CAST: variants seen among roughly 807,000 people sequenced by gnomAD.
The protein encoded by CAST is calpastatin, also known as MIR583 host.
CAST carries 76 observed loss-of-function variants against 119.6 expected under a neutral mutation model. The observed-to-expected ratio is 0.64, with a 90% CI of 0.53 to 0.77. CAST has a LOEUF of 0.77. Ranked by LOEUF, CAST falls within the 30% of genes least tolerant of loss-of-function variation. The pLI is 0.00. For missense variants in CAST, 953 were observed against 946.5 expected (o/e 1.01, Z -0.09); for synonymous variants, 319 against 331.6 (o/e 0.96, Z 0.41).
chr5:96,163,707 C>T, the CAST span, among the ~76,000 whole-genome samples: 480 of 152,280 alleles, frequency 3.2e-3, 1 homozygote, highest in Non-Finnish European at 3.8e-3. Context: ...TTTGGGGTCA[C>T]AGTATTCATG....
chr5:96,760,720 TG>T (rs1767635102), intron 24 of CAST: 1 of 151,852 alleles, frequency 6.6e-6, no homozygotes, highest in African/African-American at 2.4e-5. Flanking sequence ...AAAGGAGAAA[TG>T]ATCAGAAAAA....
chr5:96,034,647 G>A, the CAST span, among the ~76,000 whole-genome samples: 1 of 150,696 alleles, frequency 6.6e-6, no homozygotes, highest in African/African-American at 2.4e-5. Context: ...CACTCTCTTA[G>A]CATTTTTCAA....
chr5:96,037,214 G>T, the CAST span, among the ~76,000 whole-genome samples: 1 of 152,098 alleles, frequency 6.6e-6, no homozygotes, highest in African/African-American at 2.4e-5. Context: ...CCATGTAAAG[G>T]TGCCAATAGA....
the CAST span, among the ~76,000 whole-genome samples, chr5:96,022,652 A>G: frequency 6.6e-6 from 1 of 152,318 alleles, no homozygotes; most frequent in Non-Finnish European, 1.5e-5. Flanking sequence ...GCTCTGTGTC[A>G]GTCAGGGTTC....
chr5:96,551,448 C>T (rs943291849), intron 1 of CAST, among the ~76,000 whole-genome samples: 1 of 152,116 alleles, frequency 6.6e-6, no homozygotes, highest in Non-Finnish European at 1.5e-5. Flanking sequence ...CAACTGGTAC[C>T]AGCCACTGCA....
chr5:96,638,544 C>A (rs1378686596), intron 1 of CAST, among the ~76,000 whole-genome samples: 1 of 152,250 alleles, frequency 6.6e-6, no homozygotes, highest in East Asian at 1.9e-4. Context: ...CTCCCCCAAA[C>A]ACCTTGGTGT....
intron 16 of CAST, chr5:96,743,668 G>T: frequency 6.2e-7 from 1 of 1,613,220 alleles, no homozygotes; most frequent in South Asian, 1.1e-5. Flanking sequence ...AGGGCTCACC[G>T]GCCACAGTGT....
chr5:96,729,803 G>C, intron 8 of CAST, 78 bp downstream of exon 8: 1 of 734,022 alleles, frequency 1.4e-6, no homozygotes, highest in Non-Finnish European at 2.5e-6. Context: ...ACACTGAGGT[G>C]TGTAGTTCAA....
chr5:96,342,997 G>A, the CAST span, among the ~76,000 whole-genome samples: 1 of 152,096 alleles, frequency 6.6e-6, no homozygotes, highest in Admixed American at 6.5e-5. Flanking sequence ...TGGGAATAGG[G>A]CAATGAAGCT....
At chr5:96,728,249 G>A (rs1337255467) in intron 6 of CAST, 1 of 152,346 alleles carries the variant, frequency 6.6e-6, no homozygotes, top group Non-Finnish European at 1.5e-5. Context: ...CACAGGTGAG[G>A]GTGAAAGGTG....
At chr5:96,769,933 A>G (rs564391677) in intron 29 of CAST, 7 of 151,316 alleles carry the variant, frequency 4.6e-5, no homozygotes, top group African/African-American at 1.7e-4. Flanking sequence ...ATAATATTCC[A>G]TTATGTATAT....
At chr5:95,969,760 C>A in the CAST span, among the ~76,000 whole-genome samples, 1 of 152,098 alleles carries the variant, frequency 6.6e-6, no homozygotes, top group African/African-American at 2.4e-5. Context: ...ACAAGGGAAT[C>A]AGGAGAAAGA....
chr5:96,283,737 G>A, the CAST span, among the ~76,000 whole-genome samples: 1 of 152,208 alleles, frequency 6.6e-6, no homozygotes, highest in Non-Finnish European at 1.5e-5. Flanking sequence ...AGCCCAGAAC[G>A]TGGCCTTATA....
At chr5:96,419,974 C>G in the CAST span, among the ~76,000 whole-genome samples, 1 of 151,962 alleles carries the variant, frequency 6.6e-6, no homozygotes, top group East Asian at 1.9e-4. Flanking sequence ...GGGGCCAGAC[C>G]CAGGATCTGC....
chr5:96,567,557 G>T (rs1024800784), intron 1 of CAST, among the ~76,000 whole-genome samples: 7 of 152,116 alleles, frequency 4.6e-5, no homozygotes, highest in African/African-American at 1.7e-4. Context: ...TGTTCTCTGA[G>T]GGGCTGCTGC....
At chr5:96,483,882 A>G in the CAST span, among the ~76,000 whole-genome samples, 7 of 152,190 alleles carry the variant, frequency 4.6e-5, no homozygotes, top group Admixed American at 6.5e-5. Context: ...GTGCTGAGTC[A>G]AGACTCACAC....
At chr5:96,254,146 G>A in the CAST span, among the ~76,000 whole-genome samples, 1 of 152,046 alleles carries the variant, frequency 6.6e-6, no homozygotes, top group Non-Finnish European at 1.5e-5. Flanking sequence ...ACCTAATTTA[G>A]GGTGAGAGAC....
At chr5:96,466,847 TATAG>T in the CAST span, among the ~76,000 whole-genome samples, 1 of 152,088 alleles carries the variant, frequency 6.6e-6, no homozygotes, top group African/African-American at 2.4e-5. Flanking sequence ...TTGCTGGAGG[TATAG>T]ATTTCTAGAG....
intron 1 of CAST, among the ~76,000 whole-genome samples, chr5:96,555,431 G>A (rs185205889): frequency 5.3e-5 from 8 of 152,300 alleles, no homozygotes; most frequent in East Asian, 1.9e-4. Flanking sequence ...GTGAAGCATC[G>A]CCTCACCCAG....
Sources: gnomAD v4.1 joint callset for allele counts (sites outside exome capture counted in the v4.1 genomes callset) on GRCh38, gnomAD v4.1.1 for gene constraint, MANE v1.5 for transcripts, NCBI Gene and HGNC (gene_info 2026-07-23, HGNC 2026-07-21) for gene names.